SV2A: variants seen among roughly 807,000 people sequenced by gnomAD.
SV2A encodes the protein solute carrier family 22 member B1.
A neutral mutation model predicts 78.0 loss-of-function variants in SV2A; 25 were observed. That is an observed-to-expected ratio of 0.32 (90% CI 0.23 to 0.45). SV2A has a LOEUF of 0.45. SV2A is among the 20% of genes least tolerant of loss of function. The pLI is 1.00. For missense variants in SV2A, 752 were observed against 971.5 expected (o/e 0.77, Z 3.00); for synonymous variants, 355 against 384.7 (o/e 0.92, Z 0.90).
In SV2A at chr1:149,904,938, G is replaced by A; in HGVS notation, c.*76C>T. On this transcript the variant is annotated 3_prime_UTR_variant, in exon 13 of 13. Transcript: ENST00000369146. ...GAGTGAGGGCTCTGGAGGTCAGGAT[G>A]GCAGGGCAGGGAGGGGAAGGAAGGA... 6.8e-7 allele frequency: 1 copy of A among 1,467,680 alleles called. No homozygotes were observed. The highest frequency in any genetic ancestry group is 9.2e-7 in the Non-Finnish European group (1 of 1,090,594). The allele number at this position is 1,467,680 out of a possible 1,614,324, so 90.9% of individuals were successfully genotyped here.
At position 149,911,896 on chromosome 1, in the gene SV2A, A is replaced by C. The variant is rs1553763842; in HGVS notation, c.707T>G (p.Leu236Arg). Residue 236 changes from leucine to arginine, a missense_variant, in exon 3 of 13, where the codon CTC (leucine) becomes CGC (arginine). By Grantham distance (102) the Leu-to-Arg change is moderately radical (BLOSUM62 -2). Around this residue, in one of 7 missense-constraint regions of SV2A, gnomAD observed 291 missense variants for 359.5 expected, o/e 0.81. Coordinates refer to ENST00000369146, the MANE Select transcript of SV2A (RefSeq NM_014849.5). ...GACGCTGTTGACTGAGAGCGAGATGAGCAGACACTGCCTCCGACCCAGCCG... is the reference window on the plus strand; with the variant it reads ...GACGCTGTTGACTGAGAGCGAGATGCGCAGACACTGCCTCCGACCCAGCCG... ...ADRLGRRQCL[L>R]ISLSVNSVFA... 3.1e-6 allele frequency: 5 copies of C among 1,614,190 alleles called. No individual in the cohort carries two copies. Among genetic ancestry groups the C allele is most frequent in the Non-Finnish European group, 4.2e-6 (5 of 1,180,036 alleles).
At chr1:149,911,088 C>A in intron 3 of SV2A, 111 bp from the exon 4 acceptor site, 1 of 1,359,698 alleles carries the variant, frequency 7.4e-7, no homozygotes, top group Non-Finnish European at 9.9e-7. Context: ...TGAAGAGACT[C>A]CATCTCACAC....
At position 149,913,436 on chromosome 1, in the gene SV2A, GC is replaced by G; in HGVS notation, c.404del (p.Gly135AlafsTer42). On this transcript the variant is annotated frameshift_variant, in exon 2 of 13. Transcript: ENST00000369146. LOFTEE classifies it high-confidence loss of function. ...CTTTCCGTCGTTGTGCCTCCCCCCG[GC>G]CCCCAGGGGGACCCTCCCCATCACT... ...GLSDGEGPPG[G>X]RGEAQRRKER... The G allele has an allele frequency of 6.2e-7, 1 of 1,613,042 alleles. No homozygotes were observed. Among genetic ancestry groups the G allele is most frequent in the Non-Finnish European group, 8.5e-7 (1 of 1,179,712 alleles).
rs1243739107 is a variant in SV2A at position 149,913,736 on chromosome 1, G to A, written c.105C>T (p.Asp35=). 6 of 1,613,946 alleles carry A rather than the reference G, an allele frequency of 3.7e-6. No individual in the cohort carries two copies. The highest frequency in any genetic ancestry group is 3.3e-4 in the Middle Eastern group (2 of 6,084). ...TTCGGGAATATTCGTCCTGGACTCT[G>A]TCCAGGCCCTTCACCACCTTCTTGG... ...HAAKKVVKGL[D]RVQDEYSRRS... The change falls in exon 2 of 13, where the codon GAC becomes GAT. Residue 35 remains aspartate (D), a synonymous_variant. Coordinates refer to ENST00000369146, the MANE Select transcript of SV2A (RefSeq NM_014849.5).
chr1:149,913,481 A>G lies in SV2A; in HGVS notation c.360T>C (p.Ala120=), dbSNP rs782117990. ...GERMADGAPL[A]GVRGGLSDGE... is the part of the protein sequence containing the mutation. ...CATCACTCAAGCCCCCCCTTACTCC[A>G]GCCAGGGGCGCCCCATCTGCCATCC... The change falls in exon 2 of 13, where the codon GCT becomes GCC. Residue 120 remains alanine, a synonymous_variant. Coordinates refer to ENST00000369146, the MANE Select transcript of SV2A (RefSeq NM_014849.5). The G allele has an allele frequency of 2.5e-5, 35 of 1,415,128 alleles. No homozygotes were observed. The highest frequency in any genetic ancestry group is 3.6e-5 in the African/African-American group (2 of 56,196). The allele number at this position is 1,415,128 out of a possible 1,614,324, so 87.7% of individuals were successfully genotyped here.
At position 149,911,919 on chromosome 1, in the gene SV2A, C is replaced by G. The variant is rs201227468; in HGVS notation, c.684G>C (p.Arg228=). The G allele has an allele frequency of 4.1e-5, 66 of 1,614,024 alleles. No homozygotes were observed. Among genetic ancestry groups the G allele is most frequent in the Admixed American group, 1.7e-5 (1 of 60,000 alleles). ...GAFLWGGLAD[R]LGRRQCLLIS... ...TGAGCAGACACTGCCTCCGACCCAGCCGGTCAGCCAGACCTCCCCAGAGGA... is the reference window on the plus strand; with the variant it reads ...TGAGCAGACACTGCCTCCGACCCAGGCGGTCAGCCAGACCTCCCCAGAGGA... The change falls in exon 3 of 13, where the codon CGG becomes CGC. Residue 228 remains arginine (R), a synonymous_variant. Coordinates refer to ENST00000369146, the MANE Select transcript of SV2A (RefSeq NM_014849.5).
rs1358136656 is a variant in SV2A, at chr1:149,905,805, T to C, written c.2045+75A>G. 14 of 1,568,268 alleles carry C rather than the reference T, an allele frequency of 8.9e-6. No homozygotes were observed. The East Asian group carries it at 2.9e-4, about 33-fold the overall frequency. On this transcript the variant is annotated intron_variant, in intron 12 of 12. Transcript: ENST00000369146. Reference sequence around the variant, plus strand: ...TATCCTCTCACCCCTAAGGATGCTCTTCCCATTCAGCCCTCCTTCCTCACC... The same window carrying C: ...TATCCTCTCACCCCTAAGGATGCTCCTCCCATTCAGCCCTCCTTCCTCACC...
intron 1 of SV2A, among the ~76,000 whole-genome samples, chr1:149,915,265 G>A (rs913530377): frequency 6.6e-6 from 1 of 152,182 alleles, no homozygotes; most frequent in Non-Finnish European, 1.5e-5. Flanking sequence ...AAAGAAACAG[G>A]AAGCAGCAAG....
At chr1:149,914,530 G>A (rs947967024) in intron 1 of SV2A, among the ~76,000 whole-genome samples, 1 of 152,192 alleles carries the variant, frequency 6.6e-6, no homozygotes, top group African/African-American at 2.4e-5. Context: ...CTTTAGTCTT[G>A]CCTGGGTTTC....
In SV2A at chr1:149,913,644, T is replaced by C; in HGVS notation, c.197A>G (p.Tyr66Cys). The change falls in exon 2 of 13, where the codon TAC becomes TGC. Residue 66 changes from tyrosine (Y) to cysteine (C), a missense_variant. Physicochemically the swap from Tyr to Cys is radical, Grantham distance 194. Coordinates refer to ENST00000369146, the MANE Select transcript of SV2A (RefSeq NM_014849.5). ...CTCATCCTGGGTCCCTTCTCCTCGG[T>C]AATAACCATCACTGGGAGCAGGGAA... ...DDFPAPSDGY[Y>C]RGEGTQDEEE... 1 of 1,614,102 alleles carries C rather than the reference T, an allele frequency of 6.2e-7. No individual in the cohort carries two copies. Among genetic ancestry groups the C allele is most frequent in the Non-Finnish European group, 8.5e-7 (1 of 1,179,998 alleles).
At chr1:149,905,248 AAAGG>A in intron 12 of SV2A, 51 bp from the exon 13 acceptor site, 1 of 1,534,894 alleles carries the variant, frequency 6.5e-7, no homozygotes, top group Non-Finnish European at 8.8e-7. Flanking sequence ...GGAGGGAGGC[AAAGG>A]AAGAGTGGAG....
chr1:149,917,734 C>G lies in SV2A; in HGVS notation c.-348+5G>C, dbSNP rs907671985. ...GGAGGTGAGCGACTGAGAAAGGGGT[C>G]TCACCTGGTCTAGGTTCCCCGGGTA... On this transcript the variant is annotated splice_donor_5th_base_variant and intron_variant, in intron 1 of 12. Transcript: ENST00000369146. The G allele has an allele frequency of 7.2e-5, 11 of 152,196 alleles. No homozygotes were observed. The highest frequency in any genetic ancestry group is 2.7e-4 in the African/African-American group (11 of 41,442). 9.4% of individuals were successfully genotyped at this position (152,196 alleles called of 1,614,324 possible).
chr1:149,912,223 G>A (rs1036795727), intron 2 of SV2A, among the ~76,000 whole-genome samples: 8 of 152,048 alleles, frequency 5.3e-5, no homozygotes, highest in Non-Finnish European at 1.0e-4. Flanking sequence ...CACTCTCTTC[G>A]GTCTGTCTCA....
In SV2A at chr1:149,910,738, G is replaced by T; in HGVS notation, c.956-35C>A. On this transcript the variant is annotated intron_variant, in intron 4 of 12. Coordinates refer to ENST00000369146, the MANE Select transcript of SV2A (RefSeq NM_014849.5). This position sits in a 1 kb window ranked among gnomAD's most constrained non-coding sequence, Gnocchi z 4.2. ...AGAAAGTGACAGCATCAGCAGAGAGGCCAGAGGCTGGGGGAACCCACCACA... is the reference window on the plus strand; with the variant it reads ...AGAAAGTGACAGCATCAGCAGAGAGTCCAGAGGCTGGGGGAACCCACCACA... The T allele has an allele frequency of 3.7e-6, 6 of 1,613,106 alleles. No homozygotes were observed. Among genetic ancestry groups the T allele is most frequent in the Non-Finnish European group, 5.1e-6 (6 of 1,179,432 alleles).
Position 149,913,883 on chromosome 1 carries a change from C to T in SV2A, c.-43G>A. ...TTCACTGGGTCTTCTCCACCTCCTGCTTCTTTTTCAGCTTTTTGCTCAAGG... is the reference window on the plus strand; with the variant it reads ...TTCACTGGGTCTTCTCCACCTCCTGTTTCTTTTTCAGCTTTTTGCTCAAGG... On this transcript the variant is annotated 5_prime_UTR_variant, in exon 2 of 13. Transcript: ENST00000369146. The T allele has an allele frequency of 6.5e-7, 1 of 1,546,450 alleles. No individual in the cohort carries two copies. The highest frequency in any genetic ancestry group is 8.7e-7 in the Non-Finnish European group (1 of 1,148,814).
At chr1:149,906,401 G>A (rs2092438425) in intron 11 of SV2A, among the ~76,000 whole-genome samples, 1 of 152,086 alleles carries the variant, frequency 6.6e-6, no homozygotes, top group Admixed American at 6.5e-5. Context: ...GCAGGTGGTG[G>A]AGCTGAGATT....
chr1:149,913,390 G>C lies in SV2A; in HGVS notation c.451C>G (p.Gln151Glu), dbSNP rs1553764051. 5 of 1,614,008 alleles carry C rather than the reference G, an allele frequency of 3.1e-6. No individual in the cohort carries two copies. The highest frequency in any genetic ancestry group is 1.3e-5 in the African/African-American group (1 of 74,914). The change falls in exon 2 of 13, where the codon CAG becomes GAG. Residue 151 changes from glutamine (Q) to glutamate (E), a missense_variant. Transcript: ENST00000369146. ...RRKEREELAQ[Q>E]YEAILRECGH... ...CACTCCCGTAGGATGGCTTCATACTGTTGGGCCAGTTCTTCTCGTTCTTTC... is the reference window on the plus strand; with the variant it reads ...CACTCCCGTAGGATGGCTTCATACTCTTGGGCCAGTTCTTCTCGTTCTTTC...
At chr1:149,909,768 G>T in intron 6 of SV2A, 33 bp downstream of exon 6, 1 of 1,608,478 alleles carries the variant, frequency 6.2e-7, no homozygotes, top group Non-Finnish European at 8.5e-7. Flanking sequence ...GCTGCAGGGC[G>T]TGGAGGTCTG....
intron 9 of SV2A, 80 bp from the exon 10 acceptor site, chr1:149,907,913 G>A: frequency 6.3e-7 from 1 of 1,577,322 alleles, no homozygotes; most frequent in Non-Finnish European, 8.6e-7. Context: ...CGAAGTAATG[G>A]GAAGCTGGGC....
Sources: allele counts gnomAD v4.1 joint callset (sites outside exome capture counted in the v4.1 genomes callset), GRCh38; gene constraint gnomAD v4.1.1; regional missense constraint gnomAD v4.1.1; non-coding constraint Gnocchi (gnomAD v3.1); transcripts MANE v1.5; gene names NCBI Gene and HGNC (gene_info 2026-07-23, HGNC 2026-07-21).